ADAM12: variants seen among roughly 807,000 people sequenced by gnomAD.
ADAM12 encodes ADAM metallopeptidase domain 12.
A neutral mutation model predicts 106.4 loss-of-function variants in ADAM12; 70 were observed. The ratio of observed to expected loss-of-function variants is 0.66; its 90% CI spans 0.54 to 0.80. The LOEUF (loss-of-function observed/expected upper bound fraction) is 0.80, where lower values mean the gene tolerates loss of function less well. Among genes scored for constraint, ADAM12 ranks in the 30% least tolerant of loss-of-function variants. The pLI is 0.00. For synonymous variants in ADAM12, 420 were observed against 433.5 expected (o/e 0.97, Z 0.39); for missense variants, 1,010 against 1,171.9 (o/e 0.86, Z 2.02).
At chr10:126,160,254 G>A (rs1373956085) in intron 3 of ADAM12, among the ~76,000 whole-genome samples, 3 of 152,104 alleles carry the variant, frequency 2.0e-5, no homozygotes, top group African/African-American at 7.2e-5. Flanking sequence ...TAACTGGGAG[G>A]TAATACATTT....
At chr10:126,186,872 C>T (rs145912790) in intron 3 of ADAM12, among the ~76,000 whole-genome samples, 1 of 152,188 alleles carries the variant, frequency 6.6e-6, no homozygotes, top group South Asian at 2.1e-4. Flanking sequence ...TATTATTTTT[C>T]TTTGATCTCT....
chr10:126,102,664 T>C (rs1955689312), intron 8 of ADAM12, among the ~76,000 whole-genome samples: 1 of 152,200 alleles, frequency 6.6e-6, no homozygotes, highest in Non-Finnish European at 1.5e-5. Flanking sequence ...TGGTCCAACT[T>C]GGTTTCAAAC....
At chr10:126,266,660 G>A (rs1165575895) in intron 3 of ADAM12, among the ~76,000 whole-genome samples, 1 of 152,136 alleles carries the variant, frequency 6.6e-6, no homozygotes, top group African/African-American at 2.4e-5. Context: ...AGGTTTAATT[G>A]GCTCATGGTT....
chr10:126,323,463 G>C (rs911904922), intron 2 of ADAM12, among the ~76,000 whole-genome samples: 1 of 152,096 alleles, frequency 6.6e-6, no homozygotes, highest in Non-Finnish European at 1.5e-5. Flanking sequence ...TGATTTTAAA[G>C]GACCCAGAGT....
chr10:126,367,380 A>C (rs1261569539), intron 1 of ADAM12, among the ~76,000 whole-genome samples: 2 of 151,942 alleles, frequency 1.3e-5, no homozygotes, highest in African/African-American at 4.8e-5. Flanking sequence ...ATAATGAAAA[A>C]ATAACCTATA....
intron 5 of ADAM12, chr10:126,135,226 G>T: frequency 4.7e-6 from 1 of 214,704 alleles, no homozygotes; most frequent in Non-Finnish European, 9.2e-6. Context: ...CTTCAACATT[G>T]GTATGTAATG....
intron 3 of ADAM12, among the ~76,000 whole-genome samples, chr10:126,253,953 A>G (rs1408305934): frequency 2.0e-5 from 3 of 152,178 alleles, no homozygotes; most frequent in Admixed American, 1.3e-4. Flanking sequence ...AGGATGCTGA[A>G]GGCCAGACTT....
At chr10:126,103,928 G>T (rs530203295) in intron 8 of ADAM12, among the ~76,000 whole-genome samples, 2 of 152,312 alleles carry the variant, frequency 1.3e-5, no homozygotes, top group African/African-American at 2.4e-5. Context: ...GTCACCAGGG[G>T]CTTAAGGCAT....
chr10:126,056,454 T>C (rs531649891), intron 14 of ADAM12, among the ~76,000 whole-genome samples: 1 of 152,312 alleles, frequency 6.6e-6, no homozygotes, highest in South Asian at 2.1e-4. Flanking sequence ...TTCTCTTCCC[T>C]GGAGAATGAA....
At chr10:126,307,246 G>A (rs773677313) in intron 2 of ADAM12, among the ~76,000 whole-genome samples, 4 of 152,050 alleles carry the variant, frequency 2.6e-5, no homozygotes, top group South Asian at 4.1e-4. Context: ...TTTGTTTTTC[G>A]TTTTTGCTGT....
At chr10:126,060,847 C>T (rs551167577) in intron 14 of ADAM12, among the ~76,000 whole-genome samples, 6 of 152,280 alleles carry the variant, frequency 3.9e-5, no homozygotes, top group African/African-American at 1.4e-4. Flanking sequence ...CTGGCAGAGT[C>T]GGGGCTCTTG....
rs7919935 is a variant in ADAM12, at chr10:126,067,307, G to A, written c.1324-501C>T. 8.0e-4 allele frequency among the ~76,000 whole-genome samples: 122 copies of A among 152,328 alleles called. 1 individual carries two copies. The highest frequency in any genetic ancestry group is 2.5e-3 in the African/African-American group (102 of 41,568). On this transcript the variant is annotated intron_variant, in intron 12 of 22. Transcript: ENST00000448723. The stretch of plus-strand genomic sequence containing the variant: ...TTCAACCACAATTCCCTGCAATCTC[G>A]CCAGGGTTGTGGATGAGACCCTTGA...
chr10:126,035,255 C>A (rs543161712), intron 21 of ADAM12, among the ~76,000 whole-genome samples: 2 of 152,124 alleles, frequency 1.3e-5, no homozygotes, highest in Non-Finnish European at 2.9e-5. Flanking sequence ...TACAATCTTT[C>A]AACCCAATAT....
At chr10:126,179,624 G>T (rs1957278202) in intron 3 of ADAM12, among the ~76,000 whole-genome samples, 1 of 152,116 alleles carries the variant, frequency 6.6e-6, no homozygotes. Context: ...GGTGATCTTG[G>T]ATTAATTTGT....
rs186461922 is a variant in ADAM12, at chr10:126,039,544, T to C, written c.2105-115A>G. 1,375 of 1,294,714 alleles carry C rather than the reference T, an allele frequency of 1.1e-3. 1 individual carries two copies. Among genetic ancestry groups the C allele is most frequent in the Non-Finnish European group, 1.4e-3 (1,259 of 914,638 alleles). The allele number at this position is 1,294,714 out of a possible 1,614,324, so 80.2% of individuals were successfully genotyped here. A position where few individuals can be genotyped will look rare whatever the true frequency, so the allele number is the denominator to read the frequency against. On this transcript the variant is annotated intron_variant, in intron 18 of 22. Coordinates refer to ENST00000448723, the MANE Select transcript of ADAM12 (RefSeq NM_001288973.2). ...TCTGAAGCAACAGAAATGAAGAGAG[T>C]ACACCCGTGAGTGATGTACTAATAA...
intron 1 of ADAM12, among the ~76,000 whole-genome samples, chr10:126,360,143 G>A (rs1197247645): frequency 2.0e-4 from 31 of 152,174 alleles, no homozygotes; most frequent in Non-Finnish European, 2.9e-5. Flanking sequence ...CAGGGACCCT[G>A]GGCCTGACCC....
intron 3 of ADAM12, among the ~76,000 whole-genome samples, chr10:126,246,583 T>C (rs1958634808): frequency 6.6e-6 from 1 of 152,158 alleles, no homozygotes; most frequent in Non-Finnish European, 1.5e-5. Context: ...GTTCAACATA[T>C]GCAAAACAAT....
intron 1 of ADAM12, among the ~76,000 whole-genome samples, chr10:126,376,840 T>C (rs1174106486): frequency 1.3e-5 from 2 of 152,180 alleles, no homozygotes; most frequent in Non-Finnish European, 2.9e-5. Context: ...AAGGAGACAT[T>C]AAACTTTATA....
chr10:126,364,431 A>C (rs1278872270), intron 1 of ADAM12, among the ~76,000 whole-genome samples: 1 of 152,196 alleles, frequency 6.6e-6, no homozygotes, highest in African/African-American at 2.4e-5. Flanking sequence ...AAGTCAACTG[A>C]ATATCTACTA....
Sources: gnomAD v4.1 joint callset for allele counts (sites outside exome capture counted in the v4.1 genomes callset) on GRCh38, gnomAD v4.1.1 for gene constraint, MANE v1.5 for transcripts, NCBI Gene and HGNC (gene_info 2026-07-23, HGNC 2026-07-21) for gene names.